MYO3B: variants seen among roughly 807,000 people sequenced by gnomAD.
The protein encoded by MYO3B is myosin-IIIb.
A neutral mutation model predicts 174.6 loss-of-function variants in MYO3B; 156 were observed. That is an observed-to-expected ratio of 0.89 (90% CI 0.78 to 1.02). The LOEUF (loss-of-function observed/expected upper bound fraction) is 1.02, where lower values mean the gene tolerates loss of function less well. MYO3B is among the 50% of genes least tolerant of loss of function. MYO3B has a pLI of 0.00. For synonymous variants in MYO3B, 563 were observed against 569.1 expected, an observed-to-expected ratio of 0.99 and a Z score of 0.15; for missense variants, 1,632 against 1,639.4, an observed-to-expected ratio of 1.00 and a Z score of 0.08.
At chr2:170,434,491 C>T (rs1233722444) in intron 22 of MYO3B, among the ~76,000 whole-genome samples, 1 of 152,112 alleles carries the variant, frequency 6.6e-6, no homozygotes, top group Admixed American at 6.5e-5. Flanking sequence ...CTGTGTCATT[C>T]CCCTATTGGC....
chr2:170,553,904 A>C (rs1382551347), intron 32 of MYO3B, among the ~76,000 whole-genome samples: 2 of 152,128 alleles, frequency 1.3e-5, no homozygotes, highest in Non-Finnish European at 2.9e-5. Flanking sequence ...AGTAAGCAGC[A>C]CTTCCCCCTT....
intron 32 of MYO3B, among the ~76,000 whole-genome samples, chr2:170,612,689 C>A (rs1182178110): frequency 6.6e-6 from 1 of 152,142 alleles, no homozygotes; most frequent in East Asian, 1.9e-4. Context: ...ATTCTGGGTG[C>A]AACATGGCAA....
At chr2:170,411,363 C>A (rs941718528) in intron 22 of MYO3B, among the ~76,000 whole-genome samples, 1 of 152,078 alleles carries the variant, frequency 6.6e-6, no homozygotes, top group African/African-American at 2.4e-5. Flanking sequence ...TACTATACAT[C>A]TAGGCTATAT....
intron 30 of MYO3B, among the ~76,000 whole-genome samples, chr2:170,529,140 A>G (rs1689182076): frequency 6.6e-6 from 1 of 152,148 alleles, no homozygotes; most frequent in Non-Finnish European, 1.5e-5. Context: ...CTTTTTCTAA[A>G]GAACTCTCAG....
intron 7 of MYO3B, among the ~76,000 whole-genome samples, chr2:170,326,325 T>A (rs1249990229): frequency 3.3e-5 from 5 of 151,314 alleles, no homozygotes; most frequent in Admixed American, 6.6e-5. Context: ...AAATAATAAT[T>A]TTTTTAAAAA....
intron 3 of MYO3B, among the ~76,000 whole-genome samples, chr2:170,212,302 C>T (rs2092780457): frequency 6.6e-6 from 1 of 151,444 alleles, no homozygotes; most frequent in Non-Finnish European, 1.5e-5. Context: ...CAGTGAGTTT[C>T]TCCAACAGGG....
intron 28 of MYO3B, among the ~76,000 whole-genome samples, chr2:170,507,847 C>T (rs192871345): frequency 1.8e-3 from 280 of 152,234 alleles, no homozygotes; most frequent in Non-Finnish European, 3.0e-3. Context: ...CCTGTGGTTT[C>T]GAGGTTTCTG....
chr2:170,202,041 C>G (rs540280455), intron 3 of MYO3B, among the ~76,000 whole-genome samples: 5 of 152,290 alleles, frequency 3.3e-5, no homozygotes, highest in African/African-American at 1.2e-4. Context: ...CTGAGGCCAC[C>G]TGGTGAATGA....
At chr2:170,251,387 T>C (rs1205600934) in intron 7 of MYO3B, among the ~76,000 whole-genome samples, 1 of 152,094 alleles carries the variant, frequency 6.6e-6, no homozygotes, top group Non-Finnish European at 1.5e-5. Flanking sequence ...GCACCATTTT[T>C]AGGAAAATGG....
At chr2:170,227,264 C>T (rs1046206356) in intron 6 of MYO3B, among the ~76,000 whole-genome samples, 5 of 152,140 alleles carry the variant, frequency 3.3e-5, no homozygotes, top group East Asian at 1.9e-4. Flanking sequence ...TATTATGTCC[C>T]GGGTATTTCT....
rs552594236 is a variant in MYO3B, at chr2:170,416,818, G to GTTTTTTTTTTTTTTT, written c.2650+8983_2650+8997dup. ...CTTTCCCCAGATCTTTTTTTCTGTTGTTTTTTTTTTTTTTTTTTTTTTTGA... is the reference window on the plus strand; with the variant it reads ...CTTTCCCCAGATCTTTTTTTCTGTTGTTTTTTTTTTTTTTTTTTTTTTTTTTTTTTTTTTTTTTGA... On this transcript the variant is annotated intron_variant, in intron 22 of 34. Coordinates refer to ENST00000408978, the MANE Select transcript of MYO3B (RefSeq NM_138995.5). 2.6e-5 allele frequency among the ~76,000 whole-genome samples: 3 copies of GTTTTTTTTTTTTTTT among 116,124 alleles called. No individual in the cohort carries two copies. The South Asian group carries it at 8.3e-4, about 32-fold the overall frequency. The allele number at this position is 116,124 out of a possible 152,430, so 76.2% of individuals were successfully genotyped here. A position where few individuals can be genotyped will look rare whatever the true frequency, so the allele number is the denominator to read the frequency against.
chr2:170,583,157 C>G (rs1411255711), intron 32 of MYO3B, among the ~76,000 whole-genome samples: 1 of 151,690 alleles, frequency 6.6e-6, no homozygotes, highest in East Asian at 1.9e-4. Context: ...TGTAACTACC[C>G]CTTGTCTCCC....
At chr2:170,373,231 C>A (rs1372430516) in intron 9 of MYO3B, among the ~76,000 whole-genome samples, 1 of 152,150 alleles carries the variant, frequency 6.6e-6, no homozygotes. Flanking sequence ...TGGGGCCTAC[C>A]CAAACTGGGC....
chr2:170,569,145 G>A (rs768392026), intron 32 of MYO3B, among the ~76,000 whole-genome samples: 6 of 151,990 alleles, frequency 3.9e-5, no homozygotes, highest in Non-Finnish European at 7.4e-5. Flanking sequence ...TCATGACTAC[G>A]CTTTCCTATT....
chr2:170,300,811 T>G (rs957869963), intron 7 of MYO3B, among the ~76,000 whole-genome samples: 4 of 152,230 alleles, frequency 2.6e-5, no homozygotes, highest in African/African-American at 7.2e-5. Context: ...CTTAAGTGAC[T>G]TACTTGATAA....
At chr2:170,414,453 T>TG (rs1272352063) in intron 22 of MYO3B, among the ~76,000 whole-genome samples, 10 of 152,088 alleles carry the variant, frequency 6.6e-5, no homozygotes, top group Admixed American at 1.3e-4. Flanking sequence ...TCCCAAAGTG[T>TG]GGGGATTATA....
At chr2:170,528,870 A>G (rs1031897353) in intron 30 of MYO3B, among the ~76,000 whole-genome samples, 3 of 152,226 alleles carry the variant, frequency 2.0e-5, no homozygotes, top group African/African-American at 7.2e-5. Flanking sequence ...GTTTATGTTT[A>G]CATTAATCTA....
chr2:170,297,027 C>T (rs1345669452), intron 7 of MYO3B, among the ~76,000 whole-genome samples: 1 of 152,184 alleles, frequency 6.6e-6, no homozygotes, highest in African/African-American at 2.4e-5. Flanking sequence ...GATTACATTT[C>T]AGCATGAGAT....
chr2:170,410,622 C>A (rs923036891), intron 22 of MYO3B, among the ~76,000 whole-genome samples: 1 of 147,474 alleles, frequency 6.8e-6, no homozygotes, highest in African/African-American at 2.5e-5. Flanking sequence ...CTTGGGAAAC[C>A]TTAGAGGCAA....
Sources: gnomAD v4.1 joint callset for allele counts (sites outside exome capture counted in the v4.1 genomes callset) on GRCh38, gnomAD v4.1.1 for gene constraint, MANE v1.5 for transcripts, NCBI Gene and HGNC (gene_info 2026-07-23, HGNC 2026-07-21) for gene names.